The following CCDC171 variants were observed in gnomAD, a reference collection of about 807,000 sequenced individuals.
CCDC171 encodes coiled-coil domain containing 171.
Under a neutral mutation model 168.2 loss-of-function variants are expected in CCDC171, and 177 were observed. That is an observed-to-expected ratio of 1.05 (90% CI 0.93 to 1.19). The LOEUF (loss-of-function observed/expected upper bound fraction) is 1.19. CCDC171 is among the 50% of genes most tolerant of loss of function. The probability of loss-of-function intolerance (pLI) is 0.00; values close to 1 mark genes in which losing one functional copy is unlikely to be tolerated. For synonymous variants in CCDC171, 687 were observed against 540.8 expected (o/e 1.27, Z -3.75); for missense variants, 1,991 against 1,539.0 (o/e 1.29, Z -4.91).
At chr9:15,994,789 A>C (rs189859768) in intron 3 of CCDC171, among the ~76,000 whole-genome samples, 1 of 152,190 alleles carries the variant, frequency 6.6e-6, no homozygotes, top group African/African-American at 2.4e-5. Flanking sequence ...CTATTTCACC[A>C]TCAGTCAATG....
At position 15,623,472 on chromosome 9, in the gene CCDC171, C is replaced by A. The variant is rs1000687970; in HGVS notation, c.822+59C>A. ...GTACAAACTTTCACATATGCGCGCG[C>A]GCGCACACACACACACACACACACA... On this transcript the variant is annotated intron_variant, in intron 7 of 25. Transcript: ENST00000380701. The A allele has an allele frequency of 2.7e-4, 196 of 736,634 alleles. 6 individuals are homozygous for A. Among genetic ancestry groups the A allele is most frequent in the Admixed American group, 1.2e-3 (47 of 38,776 alleles). 45.6% of individuals were successfully genotyped at this position (736,634 alleles called of 1,614,324 possible). A position where few individuals can be genotyped will look rare whatever the true frequency, so the allele number is the denominator to read the frequency against.
At chr9:15,565,170 C>T (rs1201332419) in intron 2 of CCDC171, among the ~76,000 whole-genome samples, 1 of 149,912 alleles carries the variant, frequency 6.7e-6, no homozygotes, top group African/African-American at 2.5e-5. Flanking sequence ...TTCCCTGCAA[C>T]CTCCGCCTCC....
At chr9:15,996,166 T>TA (rs1359889880) in intron 3 of CCDC171, among the ~76,000 whole-genome samples, 3 of 152,172 alleles carry the variant, frequency 2.0e-5, no homozygotes, top group Non-Finnish European at 4.4e-5. Flanking sequence ...TTTTCACTGT[T>TA]ACTCTTCGGG....
rs1194211136 is a variant in CCDC171 at position 15,837,652 on chromosome 9, T to G, written c.3268-9050T>G. Among the ~76,000 whole-genome samples, 3 of 152,226 alleles carry G rather than the reference T, an allele frequency of 2.0e-5. No homozygotes were observed. The South Asian group carries it at 6.2e-4, about 32-fold the overall frequency. Reference sequence around the variant, plus strand: ...ACAGTACTTTGAATATGCTTCCAACTGTTGCTGAAACTGGTTGATTTAGTT... The same window carrying G: ...ACAGTACTTTGAATATGCTTCCAACGGTTGCTGAAACTGGTTGATTTAGTT... On this transcript the variant is annotated intron_variant, in intron 21 of 25. Coordinates refer to ENST00000380701, the MANE Select transcript of CCDC171 (RefSeq NM_173550.4).
At chr9:15,715,531 G>A (rs1050842896) in intron 11 of CCDC171, among the ~76,000 whole-genome samples, 1 of 152,070 alleles carries the variant, frequency 6.6e-6, no homozygotes, top group Non-Finnish European at 1.5e-5. Flanking sequence ...ATTATTTCCT[G>A]TTTTCTACTA....
At position 15,819,367 on chromosome 9, in the gene CCDC171, C is replaced by T. The variant is rs543864762; in HGVS notation, c.3268-27335C>T. The stretch of plus-strand genomic sequence containing the variant: ...AATATTAACCTTAAATGTAAATGGG[C>T]TAAATGCTCCAATTAAAAGACACAG... On this transcript the variant is annotated intron_variant, in intron 21 of 25. Transcript: ENST00000380701. 6.2e-4 allele frequency among the ~76,000 whole-genome samples: 73 copies of T among 117,300 alleles called. 24 individuals carry two copies. Among genetic ancestry groups the T allele is most frequent in the African/African-American group, 2.3e-3 (71 of 31,188 alleles). 77.0% of individuals were successfully genotyped at this position (117,300 alleles called of 152,430 possible). A position where few individuals can be genotyped will look rare whatever the true frequency, so the allele number is the denominator to read the frequency against.
chr9:16,021,589 C>T (rs1833165189), intron 4 of CCDC171, among the ~76,000 whole-genome samples: 1 of 152,148 alleles, frequency 6.6e-6, no homozygotes, highest in Admixed American at 6.5e-5. Flanking sequence ...CTTAATCTCT[C>T]TAAGATTCAA....
At chr9:15,693,208 A>G (rs566989475) in intron 10 of CCDC171, among the ~76,000 whole-genome samples, 1 of 18,130 alleles carries the variant, frequency 5.5e-5, no homozygotes, top group Non-Finnish European at 1.6e-4. Flanking sequence ...ACAAATAGGT[A>G]CACACAGACA....
intron 21 of CCDC171, among the ~76,000 whole-genome samples, chr9:15,822,230 C>T (rs556717449): frequency 6.6e-6 from 1 of 152,044 alleles, no homozygotes; most frequent in Non-Finnish European, 1.5e-5. Context: ...CATAAAAACC[C>T]TAGAAGAAAA....
chr9:15,696,893 T>C (rs1272290944), intron 11 of CCDC171, among the ~76,000 whole-genome samples: 2 of 152,218 alleles, frequency 1.3e-5, no homozygotes, highest in East Asian at 1.9e-4. Flanking sequence ...TTCCAGGGAA[T>C]GTGTTCCTGC....
rs146255140 is a variant in CCDC171, at chr9:15,698,158, A to C, written c.1318+2821A>C. On this transcript the variant is annotated intron_variant, in intron 11 of 25. Transcript: ENST00000380701. ...ACCTCTCTTCAATACCATCCTCCAC[A>C]CTGCCACTAGTAACCACCATTCTAC... Among the ~76,000 whole-genome samples, 574 of 152,234 alleles carry C rather than the reference A, an allele frequency of 3.8e-3. 23 individuals are homozygous for C. In the East Asian group the frequency reaches 0.076, roughly 20 times the overall value.
Position 15,835,493 on chromosome 9 carries a change from T to C in CCDC171, c.3268-11209T>C, listed in dbSNP as rs553625431. The stretch of plus-strand genomic sequence containing the variant: ...CCCAGGCTGGAGTACAATGGCGTGA[T>C]CTCGGCTCACTGCAACCTCTGCCTC... On this transcript the variant is annotated intron_variant, in intron 21 of 25. Coordinates refer to ENST00000380701, the MANE Select transcript of CCDC171 (RefSeq NM_173550.4). Among the ~76,000 whole-genome samples, 284 of 152,308 alleles carry C rather than the reference T, an allele frequency of 1.9e-3. 1 individual carries two copies. The highest frequency in any genetic ancestry group is 5.8e-3 in the African/African-American group (240 of 41,574).
intron 25 of CCDC171, among the ~76,000 whole-genome samples, chr9:15,969,384 G>A (rs1589277599): frequency 6.6e-6 from 1 of 151,998 alleles, no homozygotes; most frequent in South Asian, 2.1e-4. Context: ...GGATTTGCAA[G>A]AACAAAAAGG....
intron 25 of CCDC171, among the ~76,000 whole-genome samples, chr9:15,933,182 G>T (rs1452974495): frequency 6.6e-6 from 1 of 151,816 alleles, no homozygotes; most frequent in East Asian, 1.9e-4. Context: ...CTTCTTCTTT[G>T]AATGTTAGAT....
chr9:15,584,703 C>T (rs1250243908), intron 4 of CCDC171, among the ~76,000 whole-genome samples: 3 of 152,130 alleles, frequency 2.0e-5, no homozygotes, highest in Non-Finnish European at 4.4e-5. Context: ...TTCTGAGGCC[C>T]TCCTGTCTTC....
chr9:15,909,546 G>C (rs116058732), intron 24 of CCDC171, among the ~76,000 whole-genome samples: 1,538 of 152,256 alleles, frequency 0.01, 29 homozygotes, highest in African/African-American at 0.035. Context: ...TTGTGGGCAG[G>C]ACCAGAAACC....
intron 11 of CCDC171, among the ~76,000 whole-genome samples, chr9:15,714,935 G>C (rs2052965954): frequency 6.6e-6 from 1 of 152,120 alleles, no homozygotes; most frequent in African/African-American, 2.4e-5. Flanking sequence ...AAACCATTTT[G>C]TTTATTGCTT....
At chr9:15,571,865 T>C in intron 3 of CCDC171, 106 bp downstream of exon 3, 1 of 1,014,362 alleles carries the variant, frequency 9.9e-7, no homozygotes, top group South Asian at 1.7e-5. Flanking sequence ...ATACCATTCT[T>C]GGGCTTAAAA....
intron 18 of CCDC171, among the ~76,000 whole-genome samples, chr9:15,764,004 A>G (rs2056589801): frequency 6.6e-6 from 1 of 152,148 alleles, no homozygotes; most frequent in South Asian, 2.1e-4. Context: ...TCTGAGGGGA[A>G]GCGGTGGTAG....
Sources: gnomAD v4.1 joint callset for allele counts (sites outside exome capture counted in the v4.1 genomes callset) on GRCh38, gnomAD v4.1.1 for gene constraint, MANE v1.5 for transcripts, NCBI Gene and HGNC (gene_info 2026-07-23, HGNC 2026-07-21) for gene names.